Variants in PASD1 observed in about 807,000 individuals in gnomAD.
PASD1 encodes PAS domain containing repressor 1, also known as circadian clock protein PASD1.
Under a neutral mutation model 58.8 loss-of-function variants are expected in PASD1, and 13 were observed. The observed-to-expected ratio is 0.22, with a 90% CI of 0.14 to 0.35. The LOEUF is 0.35. Ranked by LOEUF, PASD1 falls within the 10% of genes least tolerant of loss-of-function variation. The probability of loss-of-function intolerance (pLI) is 1.00; values close to 1 mark genes in which losing one functional copy is unlikely to be tolerated. For synonymous variants in PASD1, 236 were observed against 216.7 expected, an observed-to-expected ratio of 1.09 and a Z score of -0.78; for missense variants, 734 against 568.3, an observed-to-expected ratio of 1.29 and a Z score of -2.96.
chrX:151,663,366 T>C (rs1242349430), intron 10 of PASD1, among the ~76,000 whole-genome samples: 1 of 112,417 alleles, frequency 8.9e-6, no homozygotes, highest in Non-Finnish European at 1.9e-5. Flanking sequence ...CATCCACGTT[T>C]GCATGAATCA....
intron 1 of PASD1, 130 bp from the exon 2 acceptor site, chrX:151,601,397 C>T: frequency 4.4e-6 from 2 of 452,860 alleles, no homozygotes; most frequent in African/African-American, 4.8e-5. Flanking sequence ...GAAAGCCTAT[C>T]TTTAAAAGAA....
intron 1 of PASD1, among the ~76,000 whole-genome samples, chrX:151,594,586 C>T (rs896118750): frequency 1.1e-4 from 12 of 111,932 alleles, no homozygotes; most frequent in Non-Finnish European, 2.1e-4. Flanking sequence ...TCCACCCTCC[C>T]GTCCTTTGTG....
At chrX:151,622,176 G>C (rs779813347) in intron 6 of PASD1, among the ~76,000 whole-genome samples, 1 of 111,045 alleles carries the variant, frequency 9.0e-6, no homozygotes, top group South Asian at 3.9e-4. Flanking sequence ...AATTTTTGTC[G>C]CGTGTGGATA....
At position 151,581,121 on chromosome X, in the gene PASD1, G is replaced by A. The variant is rs1481301433; in HGVS notation, c.-28+17282G>A. Among the ~76,000 whole-genome samples the A allele has an allele frequency of 1.8e-4, 19 of 105,989 alleles. No individual in the cohort carries two copies. The Admixed American group carries it at 2.0e-3, about 11-fold the overall frequency. 92.0% of individuals were successfully genotyped at this position (105,989 alleles called of 115,157 possible). A position where few individuals can be genotyped will look rare whatever the true frequency, so the allele number is the denominator to read the frequency against. ...CACATGCCTGTAATCCCAGCTACTC[G>A]GGAGGCTGAGGCACAAGAACTGCTT... On this transcript the variant is annotated intron_variant, in intron 1 of 15. Transcript: ENST00000370357.
chrX:151,657,018 T>TTGAGATAC (rs2014251601), intron 9 of PASD1, among the ~76,000 whole-genome samples: 1 of 111,686 alleles, frequency 9.0e-6, no homozygotes, highest in African/African-American at 3.3e-5. Flanking sequence ...TCTTATTATT[T>TTGAGATAC]TGAGATACGT....
Position 151,674,006 on chromosome X carries a change from T to C in PASD1, c.1995T>C (p.Ser665=), listed in dbSNP as rs1286734725. 2.5e-6 allele frequency: 3 copies of C among 1,209,523 alleles called. No individual in the cohort carries two copies. Among genetic ancestry groups the C allele is most frequent in the Non-Finnish European group, 3.4e-6 (3 of 894,651 alleles). ...LIDTSNSEAI[S]SSSIPQFPIT... is the part of the protein sequence containing the mutation. ...ATACCTCAAACTCTGAGGCAATTTC[T>C]TCTTCCAGCATTCCTCAGTTTCCCA... The change falls in exon 15 of 16, where the codon TCT becomes TCC. Residue 665 remains serine, a synonymous_variant. Transcript: ENST00000370357.
At chrX:151,663,519 TAGA>T (rs1256095870) in intron 10 of PASD1, among the ~76,000 whole-genome samples, 1 of 112,627 alleles carries the variant, frequency 8.9e-6, no homozygotes, top group East Asian at 2.8e-4. Context: ...AACATTTGCG[TAGA>T]AGTTTTTGTG....
chrX:151,605,452 A>G (rs1208158708), intron 3 of PASD1, among the ~76,000 whole-genome samples: 1 of 111,543 alleles, frequency 9.0e-6, no homozygotes, highest in Admixed American at 9.5e-5. Flanking sequence ...CACTATGACC[A>G]TTAGTGGTCA....
At chrX:151,596,329 A>G (rs2013322001) in intron 1 of PASD1, among the ~76,000 whole-genome samples, 1 of 111,942 alleles carries the variant, frequency 8.9e-6, no homozygotes, top group African/African-American at 3.3e-5. Context: ...GGCAGGCAGG[A>G]GGAGGAACTT....
chrX:151,639,781 C>T (rs1308736686), intron 8 of PASD1, among the ~76,000 whole-genome samples: 1 of 111,763 alleles, frequency 8.9e-6, no homozygotes, highest in Non-Finnish European at 1.9e-5. Context: ...AGTACACAGA[C>T]TAGCTCATTT....
rs2014464728 is a variant in PASD1 at position 151,671,211 on chromosome X, T to C, written c.1230+15T>C. 12 of 1,208,447 alleles carry C rather than the reference T, an allele frequency of 9.9e-6. No homozygotes were observed. The highest frequency in any genetic ancestry group is 2.2e-5 in the Admixed American group (1 of 45,830). ...ATCACCTTCAGGTCAGTCAGGATGC[T>C]AGGTTTCAGGTCAGAGACCAGTTCT... On this transcript the variant is annotated intron_variant, in intron 12 of 15. Coordinates refer to ENST00000370357, the MANE Select transcript of PASD1 (RefSeq NM_173493.3).
intron 3 of PASD1, among the ~76,000 whole-genome samples, chrX:151,609,822 A>G (rs1431223212): frequency 3.8e-5 from 4 of 104,158 alleles, no homozygotes; most frequent in African/African-American, 1.1e-4. Flanking sequence ...TTTTTTCACT[A>G]TACACTCAGA....
At chrX:151,645,991 G>C (rs2014056819) in intron 8 of PASD1, among the ~76,000 whole-genome samples, 1 of 110,409 alleles carries the variant, frequency 9.1e-6, no homozygotes, top group South Asian at 3.9e-4. Flanking sequence ...GCTCACTGCA[G>C]CCTTGACCTC....
At position 151,672,502 on chromosome X, in the gene PASD1, G is replaced by A. The variant is rs1466201829; in HGVS notation, c.1757G>A (p.Cys586Tyr). 9 of 1,211,853 alleles carry A rather than the reference G, an allele frequency of 7.4e-6. No individual in the cohort carries two copies. The highest frequency in any genetic ancestry group is 3.0e-5 in the East Asian group (1 of 33,813). Residue 586 changes from cysteine (C) to tyrosine (Y), a missense_variant, in exon 14 of 16, where the codon TGC (cysteine) becomes TAC (tyrosine). Transcript: ENST00000370357. ...VIVGNERVQI[C>Y]LQNPRDVSVP... ...GTGGGGAATGAGAGGGTGCAGATAT[G>A]CCTGCAAAACCCACGTGACGTATCT... is the stretch of plus-strand genomic sequence containing the variant.
intron 8 of PASD1, among the ~76,000 whole-genome samples, chrX:151,632,624 C>T (rs970221008): frequency 8.9e-6 from 1 of 111,849 alleles, no homozygotes; most frequent in Admixed American, 9.5e-5. Context: ...TCCCTTTGCA[C>T]GTTACTTGGC....
chrX:151,599,098 T>A (rs985625659), intron 1 of PASD1, among the ~76,000 whole-genome samples: 2 of 112,072 alleles, frequency 1.8e-5, no homozygotes, highest in African/African-American at 6.5e-5. Context: ...ATTTAACCCT[T>A]AGTGGACACA....
At chrX:151,664,011 G>T in intron 10 of PASD1, 108 bp from the exon 11 acceptor site, 1 of 1,075,850 alleles carries the variant, frequency 9.3e-7, no homozygotes, top group Non-Finnish European at 1.2e-6. Flanking sequence ...CTGGCACCTG[G>T]CACATCTCAT....
intron 11 of PASD1, among the ~76,000 whole-genome samples, chrX:151,667,600 G>T (rs924411007): frequency 8.9e-5 from 10 of 112,021 alleles, no homozygotes; most frequent in Non-Finnish European, 1.1e-4. Context: ...TCTACATATG[G>T]CTAGCCAGTT....
intron 2 of PASD1, among the ~76,000 whole-genome samples, chrX:151,603,950 G>A (rs2013453666): frequency 1.8e-5 from 2 of 112,056 alleles, no homozygotes; most frequent in Admixed American, 1.9e-4. Flanking sequence ...TTGACATGAA[G>A]CATTAAAATC....
Sources: gnomAD v4.1 joint callset for allele counts (sites outside exome capture counted in the v4.1 genomes callset) on GRCh38, gnomAD v4.1.1 for gene constraint, MANE v1.5 for transcripts, NCBI Gene and HGNC (gene_info 2026-07-23, HGNC 2026-07-21) for gene names.